The following KIAA0513 variants were observed in gnomAD, a reference collection of about 807,000 sequenced individuals.
KIAA0513 encodes KIAA0513.
In KIAA0513, 39 loss-of-function variants were observed where a neutral mutation model predicts 56.5. That is an observed-to-expected ratio of 0.69 (90% CI 0.53 to 0.90). KIAA0513 has a LOEUF of 0.90. Among genes scored for constraint, KIAA0513 ranks in the 40% least tolerant of loss-of-function variants. The pLI, the probability that KIAA0513 is intolerant of heterozygous loss-of-function variation, is 0.00. For missense variants in KIAA0513, 591 were observed against 535.2 expected (o/e 1.10, Z -1.03); for synonymous variants, 268 against 215.6 (o/e 1.24, Z -2.13).
chr16:85,070,444 G>T (rs937300688), intron 2 of KIAA0513, among the ~76,000 whole-genome samples: 2 of 152,054 alleles, frequency 1.3e-5, no homozygotes, highest in African/African-American at 4.8e-5. Flanking sequence ...TTTGGGAGGC[G>T]AGGCAGGTGT....
chr16:85,069,805 A>G (rs1020854003), intron 2 of KIAA0513, among the ~76,000 whole-genome samples: 1 of 152,168 alleles, frequency 6.6e-6, no homozygotes, highest in Non-Finnish European at 1.5e-5. Context: ...ATCAGTAGAC[A>G]GTTCTTACAC....
At chr16:85,060,574 C>T (rs1376700817) in intron 1 of KIAA0513, among the ~76,000 whole-genome samples, 2 of 152,172 alleles carry the variant, frequency 1.3e-5, no homozygotes, top group Non-Finnish European at 2.9e-5. Context: ...CACGGCGGCT[C>T]ACGCCTGTAA....
chr16:85,073,095 C>T, intron 4 of KIAA0513, 97 bp downstream of exon 4: 1 of 1,003,878 alleles, frequency 1.0e-6, no homozygotes, highest in Non-Finnish European at 1.6e-6. Context: ...CAGCTGTGAA[C>T]CATATCCACA....
intron 3 of KIAA0513, among the ~76,000 whole-genome samples, chr16:85,072,184 C>A (rs533242921): frequency 4.3e-4 from 66 of 152,210 alleles, no homozygotes; most frequent in African/African-American, 1.4e-3. Context: ...GAGGTCCCCC[C>A]TCCCCGCATC....
chr16:85,054,391 A>G lies in KIAA0513; in HGVS notation c.-172-12509A>G, dbSNP rs184193585. 3.7e-3 allele frequency among the ~76,000 whole-genome samples: 557 copies of G among 149,326 alleles called. 5 individuals are homozygous for G. The highest frequency in any genetic ancestry group is 6.3e-3 in the Admixed American group (94 of 15,034). The stretch of plus-strand genomic sequence containing the variant: ...CTGAAGTTATCTCAGTGCCATTGAA[A>G]TCTGTGTTTCTTTTTTTTCTTTTTC... On this transcript the variant is annotated intron_variant, in intron 1 of 12. Transcript: ENST00000683363.
At position 85,081,861 on chromosome 16, in the gene KIAA0513, C is replaced by A. The variant is rs1173629492; in HGVS notation, c.980+469C>A. Among the ~76,000 whole-genome samples the A allele has an allele frequency of 3.3e-5, 5 of 152,220 alleles. No individual in the cohort carries two copies. Among genetic ancestry groups the A allele is most frequent in the African/African-American group, 1.2e-4 (5 of 41,452 alleles). On this transcript the variant is annotated intron_variant, in intron 9 of 12. Coordinates refer to ENST00000683363, the MANE Select transcript of KIAA0513 (RefSeq NM_001388359.1). The surrounding 1 kb of genome is among the most constrained non-coding windows in gnomAD (Gnocchi z 4.4). The stretch of plus-strand genomic sequence containing the variant: ...CTGCAGCCTGAGCAGACCTTCCCAG[C>A]TTCACCGAGGGCCACCTCGCACGTG...
rs995251768 is a variant in KIAA0513 at position 85,081,537 on chromosome 16, G to A, written c.980+145G>A. The A allele has an allele frequency of 4.9e-5, 36 of 740,538 alleles. No individual in the cohort carries two copies. In the Admixed American group the frequency reaches 5.6e-4, roughly 12 times the overall value. 45.9% of individuals were successfully genotyped at this position (740,538 alleles called of 1,614,324 possible). ...CACCCCCTCATGGCCCTGGTGCCTC[G>A]CAAGCTGCCTGAGGGGTCACAGCTT... On this transcript the variant is annotated intron_variant, in intron 9 of 12. Coordinates refer to ENST00000683363, the MANE Select transcript of KIAA0513 (RefSeq NM_001388359.1). The surrounding 1 kb of genome is among the most constrained non-coding windows in gnomAD (Gnocchi z 4.4).
intron 1 of KIAA0513, among the ~76,000 whole-genome samples, chr16:85,054,884 G>A (rs896167172): frequency 1.3e-5 from 2 of 151,998 alleles, no homozygotes; most frequent in African/African-American, 2.4e-5. Context: ...GCTTTGTGAG[G>A]GTTCATTGAA....
At chr16:85,034,609 G>T (rs953149844) in intron 1 of KIAA0513, among the ~76,000 whole-genome samples, 3 of 152,182 alleles carry the variant, frequency 2.0e-5, no homozygotes, top group East Asian at 1.9e-4. Context: ...CGGAAGGAAG[G>T]CGATGGGGGC....
intron 11 of KIAA0513, 170 bp downstream of exon 11, chr16:85,086,894 C>T (rs7206590): frequency 0.36 from 292,283 of 816,454 alleles, 55,708 homozygotes; most frequent in Middle Eastern, 0.46. Flanking sequence ...CTACACGACC[C>T]CTGGTGGCCA....
chr16:85,088,518 C>G lies in KIAA0513; in HGVS notation c.*193C>G. The G allele has an allele frequency of 1.7e-6, 1 of 588,158 alleles. No homozygotes were observed. The highest frequency in any genetic ancestry group is 2.0e-5 in the South Asian group (1 of 49,200). The allele number at this position is 588,158 out of a possible 1,614,324, so 36.4% of individuals were successfully genotyped here. ...CTCCTCTGCCTGTGTCTGCGACCCCCATCCATGTGCCAAAGTGTCCCTTGG... is the reference window on the plus strand; with the variant it reads ...CTCCTCTGCCTGTGTCTGCGACCCCGATCCATGTGCCAAAGTGTCCCTTGG... On this transcript the variant is annotated 3_prime_UTR_variant, in exon 13 of 13. Coordinates refer to ENST00000683363, the MANE Select transcript of KIAA0513 (RefSeq NM_001388359.1).
intron 6 of KIAA0513, 98 bp from the exon 7 acceptor site, chr16:85,078,317 T>C (rs1237611067): frequency 3.1e-6 from 4 of 1,305,048 alleles, no homozygotes; most frequent in African/African-American, 3.0e-5. Flanking sequence ...CCGTATTAAA[T>C]GTACCCAGTC....
At chr16:85,071,672 C>T in intron 2 of KIAA0513, 111 bp from the exon 3 acceptor site, 2 of 876,744 alleles carry the variant, frequency 2.3e-6, no homozygotes, top group South Asian at 3.5e-5. Context: ...GGGGTCTGTG[C>T]TTGGCTGGGG....
At chr16:85,066,873 A>G (rs977202596) in intron 1 of KIAA0513, 27 bp from the exon 2 acceptor site, 6 of 507,478 alleles carry the variant, frequency 1.2e-5, no homozygotes, top group Non-Finnish European at 2.1e-5. Flanking sequence ...AGTGGCGCTA[A>G]TGTCTGTGTC....
intron 1 of KIAA0513, among the ~76,000 whole-genome samples, chr16:85,047,794 T>A (rs1051985164): frequency 1.3e-5 from 2 of 152,018 alleles, no homozygotes; most frequent in Non-Finnish European, 2.9e-5. Flanking sequence ...GGATATCGAG[T>A]TGTATTTAGT....
At chr16:85,062,930 G>T (rs1429166357) in intron 1 of KIAA0513, among the ~76,000 whole-genome samples, 2 of 152,240 alleles carry the variant, frequency 1.3e-5, no homozygotes, top group Non-Finnish European at 1.5e-5. Context: ...AGAGGGTGGG[G>T]TTGCTTCCCT....
intron 1 of KIAA0513, among the ~76,000 whole-genome samples, chr16:85,035,836 C>A (rs1240460718): frequency 6.6e-6 from 1 of 152,068 alleles, no homozygotes; most frequent in Non-Finnish European, 1.5e-5. Context: ...AAAAAATTAG[C>A]CAGGCTTGGT....
chr16:85,057,763 G>C (rs28546818), intron 1 of KIAA0513, among the ~76,000 whole-genome samples: 1 of 144,842 alleles, frequency 6.9e-6, no homozygotes, highest in Non-Finnish European at 1.5e-5. Flanking sequence ...TCTGCTTTTT[G>C]TTTTTGTTTT....
chr16:85,088,504 G>A lies in KIAA0513; in HGVS notation c.*179G>A. The stretch of plus-strand genomic sequence containing the variant: ...TGTTCCTCCCTCATCTCCTCTGCCT[G>A]TGTCTGCGACCCCCATCCATGTGCC... On this transcript the variant is annotated 3_prime_UTR_variant, in exon 13 of 13. Coordinates refer to ENST00000683363, the MANE Select transcript of KIAA0513 (RefSeq NM_001388359.1). 1 of 599,048 alleles carries A rather than the reference G, an allele frequency of 1.7e-6. No individual in the cohort carries two copies. The highest frequency in any genetic ancestry group is 2.0e-5 in the South Asian group (1 of 50,670). 37.1% of individuals were successfully genotyped at this position (599,048 alleles called of 1,614,324 possible). A position where few individuals can be genotyped will look rare whatever the true frequency, so the allele number is the denominator to read the frequency against.
Sources: gnomAD v4.1 joint callset for allele counts (sites outside exome capture counted in the v4.1 genomes callset) on GRCh38, gnomAD v4.1.1 for gene constraint, Gnocchi (gnomAD v3.1) non-coding constraint, MANE v1.5 for transcripts, NCBI Gene and HGNC (gene_info 2026-07-23, HGNC 2026-07-21) for gene names.